NTN5: variants seen among roughly 807,000 people sequenced by gnomAD.
The protein encoded by NTN5 is netrin 5, also known as netrin-5.
Under a neutral mutation model 38.7 loss-of-function variants are expected in NTN5, and 42 were observed. That is an observed-to-expected ratio of 1.08 (90% CI 0.85 to 1.40). The LOEUF (loss-of-function observed/expected upper bound fraction) is 1.40, where lower values mean the gene tolerates loss of function less well. NTN5 is among the 40% of genes most tolerant of loss of function. The probability of loss-of-function intolerance (pLI) is 0.00; values close to 1 mark genes in which losing one functional copy is unlikely to be tolerated. For synonymous variants in NTN5, 329 were observed against 303.9 expected (o/e 1.08, Z -0.86); for missense variants, 658 against 716.5 (o/e 0.92, Z 0.93).
At position 48,661,709 on chromosome 19, in the gene NTN5, C is replaced by G. The variant is rs768446257; in HGVS notation, c.1438G>C (p.Ala480Pro). 3 of 1,557,098 alleles carry G rather than the reference C, an allele frequency of 1.9e-6. No homozygotes were observed. The highest frequency in any genetic ancestry group is 2.6e-6 in the Non-Finnish European group (3 of 1,161,364). Residue 480 changes from alanine (A) to proline (P), a missense_variant, in exon 7 of 7, where the codon GCA (alanine) becomes CCA (proline). Ala to Pro is a conservative substitution (Grantham distance 27). Coordinates refer to ENST00000270235, the MANE Select transcript of NTN5 (RefSeq NM_145807.4). ...TCCGGCCTGGGACTGGGTGTGGGTG[C>G]CCGCACGCCGCGGCAGCCTCCGGCG... ...ERAGGCRGVR[A>P]PTPSPRPEH is the part of the protein sequence containing the mutation.
chr19:48,663,568 G>A, intron 5 of NTN5, 25 bp from the exon 6 acceptor site: 1 of 1,609,346 alleles, frequency 6.2e-7, no homozygotes, highest in Non-Finnish European at 8.5e-7. Context: ...GCTGTCTGCA[G>A]TGGGCTCCTG....
chr19:48,670,336 G>C lies in NTN5; in HGVS notation c.631+20C>G. 1 of 1,390,672 alleles carries C rather than the reference G, an allele frequency of 7.2e-7. No homozygotes were observed. Among genetic ancestry groups the C allele is most frequent in the Non-Finnish European group, 9.3e-7 (1 of 1,071,768 alleles). 86.1% of individuals were successfully genotyped at this position (1,390,672 alleles called of 1,614,324 possible). ...TGGCAGGCAGGCAAAGGCAGGGAGA[G>C]TGAGGGGCGCAGGACTCACGTAGGC... On this transcript the variant is annotated intron_variant, in intron 2 of 6. Coordinates refer to ENST00000270235, the MANE Select transcript of NTN5 (RefSeq NM_145807.4).
intron 2 of NTN5, 58 bp downstream of exon 2, chr19:48,670,298 A>G: frequency 7.3e-7 from 1 of 1,374,886 alleles, no homozygotes; most frequent in Non-Finnish European, 9.4e-7. Flanking sequence ...TCCCGTAGGG[A>G]CAAAGGACCC....
chr19:48,670,774 G>A lies in NTN5; in HGVS notation c.213C>T (p.Gly71=), dbSNP rs199836809. 2.5e-6 allele frequency: 4 copies of A among 1,613,056 alleles called. No individual in the cohort carries two copies. Among genetic ancestry groups the A allele is most frequent in the South Asian group, 1.1e-5 (1 of 91,086 alleles). The change falls in exon 2 of 7, where the codon GGC becomes GGT. Residue 71 remains glycine (G), a synonymous_variant. Transcript: ENST00000270235. ...CNGSLTLALG[G]PFLLTSVSLR... is the part of the protein sequence containing the mutation. ...AGCTGACAGATGTCAGGAGGAAGGG[G>A]CCACCCAGGGCCAAAGTCAGGCTGC...
chr19:48,669,429 TCACCACCACCAC>T, intron 2 of NTN5, among the ~76,000 whole-genome samples: 21 of 1,380 alleles, frequency 0.015, 6 homozygotes, highest in Non-Finnish European at 0.025. Flanking sequence ...ATCACCACCA[TCACCACCACCAC>T]CACCATCACC....
intron 5 of NTN5, 81 bp downstream of exon 5, chr19:48,663,680 A>C (rs2031610508): frequency 1.3e-6 from 2 of 1,519,728 alleles, no homozygotes; most frequent in Admixed American, 3.3e-5. Flanking sequence ...TGGGTGACCC[A>C]TGTATCCCCA....
chr19:48,669,903 TCACCACCAC>T (rs1243718159), intron 2 of NTN5, among the ~76,000 whole-genome samples: 64 of 73,752 alleles, frequency 8.7e-4, no homozygotes, highest in African/African-American at 8.8e-4. Flanking sequence ...ACCACCACCA[TCACCACCAC>T]CACCATCACC....
intron 6 of NTN5, 22 bp from the exon 7 acceptor site, chr19:48,662,063 G>A (rs979949762): frequency 3.5e-6 from 5 of 1,435,948 alleles, no homozygotes; most frequent in Non-Finnish European, 3.6e-6. Context: ...GGAGATGTCA[G>A]CCCAGGTCGT....
chr19:48,665,113 G>C (rs1601206278), intron 2 of NTN5, among the ~76,000 whole-genome samples: 2 of 148,504 alleles, frequency 1.3e-5, no homozygotes, highest in South Asian at 4.3e-4. Flanking sequence ...TAGTAGAGAC[G>C]GGGTTTCACC....
At position 48,664,162 on chromosome 19, in the gene NTN5, G is replaced by A; in HGVS notation, c.951C>T (p.Ser317=). ...RCGPGYQQSR[S]PRMPCQRIPE... Reference sequence around the variant, plus strand: ...ACTTACGCTGGCAGGGCATCCTGGGGGAGCGGCTCTGCTGGTAGCCAGGGC... The same window carrying A: ...ACTTACGCTGGCAGGGCATCCTGGGAGAGCGGCTCTGCTGGTAGCCAGGGC... Residue 317 remains serine, a synonymous_variant, in exon 4 of 7, where the codon TCC becomes TCT. Transcript: ENST00000270235. 1 of 1,608,352 alleles carries A rather than the reference G, an allele frequency of 6.2e-7. No individual in the cohort carries two copies. The highest frequency in any genetic ancestry group is 8.5e-7 in the Non-Finnish European group (1 of 1,177,750).
intron 2 of NTN5, 143 bp downstream of exon 2, chr19:48,670,213 A>C: frequency 1.2e-6 from 1 of 811,316 alleles, no homozygotes; most frequent in Non-Finnish European, 1.8e-6. Context: ...GGGAGGAGGT[A>C]TGAGGGGACC....
Position 48,663,500 on chromosome 19 carries a change from T to C in NTN5, c.1068A>G (p.Val356=). ...QNYCNMSDTR[V]HMSLRRYCQQ... ...GGCAGTACCTCCGAAGGCTCATGTG[T>C]ACCCTGGTGTCCGACATATTGCAGT... The change falls in exon 6 of 7, where the codon GTA becomes GTG. Residue 356 remains valine (V), a synonymous_variant. Coordinates refer to ENST00000270235, the MANE Select transcript of NTN5 (RefSeq NM_145807.4). The C allele has an allele frequency of 6.2e-7, 1 of 1,614,122 alleles. No individual in the cohort carries two copies. The highest frequency in any genetic ancestry group is 8.5e-7 in the Non-Finnish European group (1 of 1,180,004).
intron 2 of NTN5, among the ~76,000 whole-genome samples, chr19:48,670,094 CCAT>C (rs1210987506): frequency 8.7e-5 from 13 of 149,272 alleles, no homozygotes; most frequent in Admixed American, 2.7e-4. Flanking sequence ...CACCATCACA[CCAT>C]CATCATCATC....
At position 48,664,673 on chromosome 19, in the gene NTN5, G is replaced by A. The variant is rs765599298; in HGVS notation, c.726C>T (p.Cys242=). The change falls in exon 3 of 7, where the codon TGC becomes TGT. Residue 242 remains cysteine, a synonymous_variant. Coordinates refer to ENST00000270235, the MANE Select transcript of NTN5 (RefSeq NM_145807.4). ...AGTGCCGCCCAGCTGTGTGGTGGCGGCACCGCTCACAAACACCCCCACTCC... is the reference window on the plus strand; with the variant it reads ...AGTGCCGCCCAGCTGTGTGGTGGCGACACCGCTCACAAACACCCCCACTCC... ...GGRSGGVCER[C]RHHTAGRHCH... 3 of 1,611,632 alleles carry A rather than the reference G, an allele frequency of 1.9e-6. No homozygotes were observed. Among genetic ancestry groups the A allele is most frequent in the African/African-American group, 2.7e-5 (2 of 74,892 alleles).
chr19:48,663,932 TGCAAGCATCCCTTG>T (rs1483262750), intron 4 of NTN5, 118 bp from the exon 5 acceptor site: 11 of 1,181,904 alleles, frequency 9.3e-6, no homozygotes, highest in Admixed American at 2.0e-5. Flanking sequence ...GACTCAAGAG[TGCAAGCATCCCTTG>T]CCTTCAGGCC....
rs376771984 is a variant in NTN5, at chr19:48,664,740, C to T, written c.659G>A (p.Arg220His). 1.5e-5 allele frequency: 23 copies of T among 1,577,970 alleles called. No homozygotes were observed. The African/African-American group carries it at 2.4e-4, about 17-fold the overall frequency. The change falls in exon 3 of 7, where the codon CGC becomes CAC. Residue 220 changes from arginine (R) to histidine (H), a missense_variant. Arg to His is a conservative substitution (Grantham distance 29). Transcript: ENST00000270235. ...GAACAGCTCAGAGTTGAACCGGCAG[C>T]GTCGGGCGTGCTGGTTGCAGGAGCA... ...LPCSCNQHAR[R>H]CRFNSELFRL...
intron 2 of NTN5, among the ~76,000 whole-genome samples, chr19:48,666,099 G>T (rs2031698218): frequency 6.6e-6 from 1 of 152,218 alleles, no homozygotes; most frequent in Admixed American, 6.5e-5. Context: ...CTCCACAAGG[G>T]CTCTGTGAGG....
chr19:48,671,772 G>T (rs2031967572), intron 1 of NTN5, among the ~76,000 whole-genome samples: 1 of 152,222 alleles, frequency 6.6e-6, no homozygotes, highest in Admixed American at 6.5e-5. Flanking sequence ...CACACCCTGG[G>T]CACGGAAGGG....
At chr19:48,667,276 C>G (rs2031729730) in intron 2 of NTN5, 1 of 212,908 alleles carries the variant, frequency 4.7e-6, no homozygotes, top group African/African-American at 2.3e-5. Context: ...GCCCATAGCT[C>G]TGCCACAGGC....
Sources: gnomAD v4.1 joint callset for allele counts (sites outside exome capture counted in the v4.1 genomes callset) on GRCh38, gnomAD v4.1.1 for gene constraint, MANE v1.5 for transcripts, NCBI Gene and HGNC (gene_info 2026-07-23, HGNC 2026-07-21) for gene names.